Variants in SH2B1 observed in about 807,000 individuals in gnomAD.
The protein encoded by SH2B1 is SH2B adaptor protein 1, also known as SH2B adapter protein 1.
A neutral mutation model predicts 62.6 loss-of-function variants in SH2B1; 15 were observed. The observed-to-expected ratio is 0.24, with a 90% CI of 0.16 to 0.37. SH2B1 has a LOEUF of 0.37. Ranked by LOEUF, SH2B1 falls within the 10% of genes least tolerant of loss-of-function variation. The pLI is 1.00. For synonymous variants in SH2B1, 443 were observed against 438.0 expected, an observed-to-expected ratio of 1.01 and a Z score of -0.14; for missense variants, 925 against 1,015.6, an observed-to-expected ratio of 0.91 and a Z score of 1.21.
intron 4 of SH2B1, among the ~76,000 whole-genome samples, chr16:28,871,028 TGTG>T (rs1962998323): frequency 2.0e-5 from 3 of 151,270 alleles, no homozygotes; most frequent in African/African-American, 7.3e-5. Flanking sequence ...TGTGTGTGTG[TGTG>T]TTTTGAGACA....
At chr16:28,859,726 G>A (rs1009890381), upstream of SH2B1, among the ~76,000 whole-genome samples, 1 of 151,822 alleles carries the variant, frequency 6.6e-6, no homozygotes. Context: ...AAAAAAGAGA[G>A]AGAGAAAAAG....
At chr16:28,855,596 C>G (rs1035909640) in intron 1 of SH2B1, among the ~76,000 whole-genome samples, 7 of 151,734 alleles carry the variant, frequency 4.6e-5, no homozygotes, top group African/African-American at 1.7e-4. Context: ...TGCTTGTTTT[C>G]TTCCCATCTC....
chr16:28,859,259 T>A (rs1488947975), upstream of SH2B1, among the ~76,000 whole-genome samples: 2 of 152,130 alleles, frequency 1.3e-5, no homozygotes, highest in Non-Finnish European at 2.9e-5. Flanking sequence ...ATTTAAGTTT[T>A]ATTTTAGGTT....
chr16:28,869,229 C>T lies in SH2B1; in HGVS notation c.1155C>T (p.Pro385=). 1 of 1,614,186 alleles carries T rather than the reference C, an allele frequency of 6.2e-7. No individual in the cohort carries two copies. ...GCAGACCCTGCCCTGCTACCAGTCC[C>T]CGCCCCATGACCCTCCCTCTGGCCC... ...LSPGPCPATS[P]RPMTLPLAPG... is the part of the protein sequence containing the mutation. Residue 385 remains proline, a synonymous_variant, in exon 4 of 8, where the codon CCC becomes CCT. Coordinates refer to ENST00000684370, the MANE Select transcript of SH2B1 (RefSeq NM_001387430.1).
intron 2 of SH2B1, among the ~76,000 whole-genome samples, chr16:28,867,942 C>T (rs1470929370): frequency 2.0e-5 from 3 of 151,880 alleles, no homozygotes; most frequent in African/African-American, 7.3e-5. Flanking sequence ...GATTCTTGTG[C>T]CTCAGCCTCC....
At chr16:28,868,377 T>C (rs1043178324) in intron 2 of SH2B1, among the ~76,000 whole-genome samples, 6 of 151,746 alleles carry the variant, frequency 4.0e-5, no homozygotes, top group Admixed American at 2.6e-4. Flanking sequence ...CCTGACCTCG[T>C]GATTTGCCCG....
At chr16:28,857,620 C>G (rs578158859) in intron 1 of SH2B1, among the ~76,000 whole-genome samples, 1 of 152,268 alleles carries the variant, frequency 6.6e-6, no homozygotes, top group East Asian at 1.9e-4. Flanking sequence ...ACAGGGAGAG[C>G]TGGGACAGCA....
At position 28,872,414 on chromosome 16, in the gene SH2B1, G is replaced by A. The variant is rs917182123; in HGVS notation, c.1725+13G>A. 3.1e-6 allele frequency: 5 copies of A among 1,591,554 alleles called. No individual in the cohort carries two copies. The highest frequency in any genetic ancestry group is 2.6e-6 in the Non-Finnish European group (3 of 1,167,506). On this transcript the variant is annotated intron_variant, in intron 6 of 7. Coordinates refer to ENST00000684370, the MANE Select transcript of SH2B1 (RefSeq NM_001387430.1). The surrounding 1 kb of genome is among the most constrained non-coding windows in gnomAD (Gnocchi z 5.3). The stretch of plus-strand genomic sequence containing the variant: ...GGGCAAGGCCAAGGTGAGCCACCCT[G>A]TGGGAAAGGCTCTGTTCTGTGCATA...
intron 1 of SH2B1, among the ~76,000 whole-genome samples, chr16:28,852,735 CAT>C (rs1294425534): frequency 0.017 from 513 of 30,434 alleles, 105 homozygotes; most frequent in Admixed American, 0.021. Flanking sequence ...TATATATATA[CAT>C]ATATATATTT....
exon 1 of SH2B1, chr16:28,846,696 G>A (rs755502073): frequency 1.1e-5 from 2 of 179,540 alleles, no homozygotes; most frequent in East Asian, 1.6e-4. Context: ...CTCGGGCTCC[G>A]GGAGGCAGCT....
At position 28,872,476 on chromosome 16, in the gene SH2B1, G is replaced by A; in HGVS notation, c.1726-58G>A. 6.3e-7 allele frequency: 1 copy of A among 1,576,670 alleles called. No individual in the cohort carries two copies. The highest frequency in any genetic ancestry group is 1.2e-5 in the South Asian group (1 of 84,462). On this transcript the variant is annotated intron_variant, in intron 6 of 7. Transcript: ENST00000684370. This position sits in a 1 kb window ranked among gnomAD's most constrained non-coding sequence, Gnocchi z 5.3. ...GGTGGGGGAGCACTGCCGGGGGAGG[G>A]GGTTTGTACCTGGCAGGGCCTTTGC...
At chr16:28,870,081 G>A (rs1962947650) in intron 4 of SH2B1, among the ~76,000 whole-genome samples, 2 of 152,212 alleles carry the variant, frequency 1.3e-5, no homozygotes, top group South Asian at 4.1e-4. Context: ...GCGCCACCCT[G>A]TTTCCCAAGC....
chr16:28,849,591 TA>T (rs996293234), intron 1 of SH2B1, among the ~76,000 whole-genome samples: 9 of 152,104 alleles, frequency 5.9e-5, no homozygotes, highest in African/African-American at 2.2e-4. Context: ...ATCAAGTTTT[TA>T]AAAAAACAGA....
At position 28,852,984 on chromosome 16, in the gene SH2B1, T is replaced by TTTATA. The variant is rs1555510133; in HGVS notation, c.-301+6158_-301+6159insTATAT. Reference sequence around the variant, plus strand: ...GTACATATATATGTACATATATATTTTATATGTACATATATATGTACATAT... The same window carrying TTTATA: ...GTACATATATATGTACATATATATTTTTATATATATGTACATATATATGTACATAT... On this transcript the variant is annotated intron_variant, in intron 1 of 10. Coordinates refer to the SH2B1 transcript ENST00000322610. Among the ~76,000 whole-genome samples, 4 of 25,740 alleles carry TTTATA rather than the reference T, an allele frequency of 1.6e-4. 1 individual carries two copies. The highest frequency in any genetic ancestry group is 2.8e-4 in the Non-Finnish European group (4 of 14,094). 16.9% of individuals were successfully genotyped at this position (25,740 alleles called of 152,430 possible).
chr16:28,870,303 A>G (rs1962958971), intron 4 of SH2B1, among the ~76,000 whole-genome samples: 2 of 152,110 alleles, frequency 1.3e-5, no homozygotes, highest in South Asian at 4.1e-4. Context: ...ATCACTCCCT[A>G]TAGAAAGCTT....
At position 28,852,560 on chromosome 16, in the gene SH2B1, A is replaced by ATATATATACACATATATATT. The variant is rs1567458817; in HGVS notation, c.-301+5742_-301+5761dup. Reference sequence around the variant, plus strand: ...TATATTTATATATATACACATATTTATATATATACACATATATATTTATAT... The same window carrying ATATATATACACATATATATT: ...TATATTTATATATATACACATATTTATATATATACACATATATATTTATATATACACATATATATTTATAT... On this transcript the variant is annotated intron_variant, in intron 1 of 10. Transcript: ENST00000322610. 7.6e-4 allele frequency among the ~76,000 whole-genome samples: 29 copies of ATATATATACACATATATATT among 37,930 alleles called. 10 individuals carry two copies. The highest frequency in any genetic ancestry group is 9.3e-4 in the Non-Finnish European group (25 of 26,780). The allele number at this position is 37,930 out of a possible 152,430, so 24.9% of individuals were successfully genotyped here.
At chr16:28,854,001 CAAAAAAAAAAAAA>C (rs59760541) in intron 1 of SH2B1, among the ~76,000 whole-genome samples, 15 of 45,996 alleles carry the variant, frequency 3.3e-4, no homozygotes, top group African/African-American at 1.2e-3. Context: ...GACTAGGTCT[CAAAAAAAAAAAAA>C]AAAAAAAAAA....
rs1303550279 is a variant in SH2B1, at chr16:28,866,324, A to G, written c.230A>G (p.Glu77Gly). The change falls in exon 1 of 8, where the codon GAA becomes GGA. Residue 77 changes from glutamate (E) to glycine (G), a missense_variant. Glu to Gly is a moderately conservative substitution (Grantham distance 98). This residue lies in a region of SH2B1 where 683 missense variants were observed against 704.0 expected (regional missense o/e 0.97). Transcript: ENST00000684370. This position sits in a 1 kb window ranked among gnomAD's most constrained non-coding sequence, Gnocchi z 6.3. ...GCTGAGCTCTTCCTGCAGCACTTTGAAGCCGAGGTGGCCCGGGCCTCTGGC... is the reference window on the plus strand; with the variant it reads ...GCTGAGCTCTTCCTGCAGCACTTTGGAGCCGAGGTGGCCCGGGCCTCTGGC... Reference protein sequence around the residue: ...RFAELFLQHFEAEVARASGSL... With the variant: ...RFAELFLQHFGAEVARASGSL... The G allele has an allele frequency of 6.2e-7, 1 of 1,611,816 alleles. No individual in the cohort carries two copies. Among genetic ancestry groups the G allele is most frequent in the Non-Finnish European group, 8.5e-7 (1 of 1,179,696 alleles).
Position 28,866,673 on chromosome 16 carries a change from C to T in SH2B1, c.579C>T (p.Val193=). 6.2e-7 allele frequency: 1 copy of T among 1,607,388 alleles called. No individual in the cohort carries two copies. Residue 193 remains valine (V), a synonymous_variant, in exon 1 of 8, where the codon GTC becomes GTT. Coordinates refer to ENST00000684370, the MANE Select transcript of SH2B1 (RefSeq NM_001387430.1). This position sits in a 1 kb window ranked among gnomAD's most constrained non-coding sequence, Gnocchi z 6.3. ...TGGAGACCTCGTCAGGCCCCCCAGT[C>T]TTAGGTGGAAACAGCAACTCCAACT... ...GPLETSSGPP[V]LGGNSNSNSS...
Sources: allele counts gnomAD v4.1 joint callset (sites outside exome capture counted in the v4.1 genomes callset), GRCh38; gene constraint gnomAD v4.1.1; regional missense constraint gnomAD v4.1.1; non-coding constraint Gnocchi (gnomAD v3.1); transcripts MANE v1.5; gene names NCBI Gene and HGNC (gene_info 2026-07-23, HGNC 2026-07-21).